ADAMTSL3: variants seen among roughly 807,000 people sequenced by gnomAD.
The protein encoded by ADAMTSL3 is ADAMTS like 3, also known as ADAMTS-like protein 3.
A neutral mutation model predicts 201.7 loss-of-function variants in ADAMTSL3; 128 were observed. That is an observed-to-expected ratio of 0.63 (90% CI 0.55 to 0.73). The LOEUF is 0.73. Ranked by LOEUF, ADAMTSL3 falls within the 30% of genes least tolerant of loss-of-function variation. The pLI is 0.00. For synonymous variants in ADAMTSL3, 738 were observed against 748.4 expected (o/e 0.99, Z 0.23); for missense variants, 1,990 against 2,119.6 (o/e 0.94, Z 1.20).
At chr15:83,836,512 C>T (rs1159617069) in intron 6 of ADAMTSL3, among the ~76,000 whole-genome samples, 7 of 152,174 alleles carry the variant, frequency 4.6e-5, no homozygotes, top group Non-Finnish European at 1.5e-5. Flanking sequence ...AAATAATTGT[C>T]TCAACTTCCT....
chr15:83,867,061 G>T (rs112316122), intron 8 of ADAMTSL3, among the ~76,000 whole-genome samples: 4 of 152,210 alleles, frequency 2.6e-5, no homozygotes, highest in Non-Finnish European at 5.9e-5. Flanking sequence ...TATAGAAGTG[G>T]TTTTATTTTC....
At chr15:83,909,948 C>T (rs2065903113) in intron 15 of ADAMTSL3, among the ~76,000 whole-genome samples, 1 of 152,102 alleles carries the variant, frequency 6.6e-6, no homozygotes, top group African/African-American at 2.4e-5. Context: ...ACCCCTCAAA[C>T]CCCAGTCCCA....
intron 5 of ADAMTSL3, among the ~76,000 whole-genome samples, chr15:83,805,912 A>G (rs1484873485): frequency 6.6e-6 from 1 of 152,184 alleles, no homozygotes; most frequent in Non-Finnish European, 1.5e-5. Context: ...CTGCAGACAC[A>G]TGTAGTCCTT....
chr15:84,020,708 T>C (rs1412757516), intron 25 of ADAMTSL3, among the ~76,000 whole-genome samples: 2 of 152,226 alleles, frequency 1.3e-5, no homozygotes, highest in Non-Finnish European at 2.9e-5. Context: ...CATCATGTCC[T>C]ACCTCATCTT....
intron 7 of ADAMTSL3, among the ~76,000 whole-genome samples, chr15:83,847,018 G>A (rs899088738): frequency 6.6e-6 from 1 of 152,198 alleles, no homozygotes; most frequent in Admixed American, 6.5e-5. Flanking sequence ...TTGAGGTAAA[G>A]GCAGTTTAGG....
intron 2 of ADAMTSL3, among the ~76,000 whole-genome samples, chr15:83,675,539 G>A (rs748051974): frequency 2.0e-5 from 3 of 149,104 alleles, no homozygotes; most frequent in African/African-American, 4.9e-5. Context: ...ATATTTTGTT[G>A]AGAATTTTTG....
intron 16 of ADAMTSL3, among the ~76,000 whole-genome samples, chr15:83,921,735 A>G (rs563223597): frequency 6.6e-6 from 1 of 152,300 alleles, no homozygotes; most frequent in South Asian, 2.1e-4. Flanking sequence ...CCCAGGCTGG[A>G]CTGCACTGGT....
intron 23 of ADAMTSL3, among the ~76,000 whole-genome samples, chr15:83,996,209 T>C (rs1487342446): frequency 6.6e-6 from 1 of 152,182 alleles, no homozygotes; most frequent in Non-Finnish European, 1.5e-5. Context: ...AAAACATCTA[T>C]TGTATAGTGA....
intron 4 of ADAMTSL3, among the ~76,000 whole-genome samples, chr15:83,788,504 A>G (rs2063297721): frequency 6.6e-6 from 1 of 152,206 alleles, no homozygotes; most frequent in South Asian, 2.1e-4. Context: ...ATAGTTATGT[A>G]GAAATGATTT....
In ADAMTSL3 at chr15:83,913,086, C is replaced by T; in HGVS notation, c.1701-6C>T. The T allele has an allele frequency of 6.2e-7, 1 of 1,612,454 alleles. No individual in the cohort carries two copies. Among genetic ancestry groups the T allele is most frequent in the Non-Finnish European group, 8.5e-7 (1 of 1,178,980 alleles). Reference sequence around the variant, plus strand: ...CCTTTTCTGGTGGCTTCCTGGTTTTCCCTAGGTTCATTCCAGAACCCTGGT... The same window carrying T: ...CCTTTTCTGGTGGCTTCCTGGTTTTTCCTAGGTTCATTCCAGAACCCTGGT... On this transcript the variant is annotated splice_region_variant and splice_polypyrimidine_tract_variant and intron_variant, in intron 15 of 29. Transcript: ENST00000286744.
intron 3 of ADAMTSL3, among the ~76,000 whole-genome samples, chr15:83,769,234 A>T (rs1055895891): frequency 1.3e-5 from 2 of 152,208 alleles, no homozygotes; most frequent in Admixed American, 6.5e-5. Context: ...ATTTAAAAAT[A>T]TATATGATGA....
At chr15:83,696,700 G>A (rs1392436313) in intron 2 of ADAMTSL3, among the ~76,000 whole-genome samples, 1 of 151,350 alleles carries the variant, frequency 6.6e-6, no homozygotes. Context: ...CCATCAGCCT[G>A]GATAGGTAGA....
intron 17 of ADAMTSL3, among the ~76,000 whole-genome samples, chr15:83,932,704 T>G (rs1225508582): frequency 6.6e-6 from 1 of 152,218 alleles, no homozygotes; most frequent in African/African-American, 2.4e-5. Flanking sequence ...TAATTCATAC[T>G]GGTCTTGATA....
At chr15:83,727,880 A>G (rs764152405) in intron 3 of ADAMTSL3, among the ~76,000 whole-genome samples, 2 of 152,156 alleles carry the variant, frequency 1.3e-5, no homozygotes, top group African/African-American at 2.4e-5. Flanking sequence ...TATTAGGTTC[A>G]TTTGGTCTAT....
At chr15:83,773,732 G>A (rs1387372124) in intron 4 of ADAMTSL3, 82 bp downstream of exon 4, 1 of 1,484,708 alleles carries the variant, frequency 6.7e-7, no homozygotes, top group African/African-American at 1.4e-5. Flanking sequence ...AACTTTATAT[G>A]GCTTTGGAAT....
intron 4 of ADAMTSL3, among the ~76,000 whole-genome samples, chr15:83,776,700 AG>A (rs2063079895): frequency 6.6e-6 from 1 of 152,112 alleles, no homozygotes; most frequent in African/African-American, 2.4e-5. Context: ...CTGGGCAATA[AG>A]GGCGAAACTC....
chr15:83,983,911 A>G (rs1238806548), intron 21 of ADAMTSL3, among the ~76,000 whole-genome samples: 1 of 152,170 alleles, frequency 6.6e-6, no homozygotes, highest in African/African-American at 2.4e-5. Context: ...TATCACACAA[A>G]TACGTAGCCT....
intron 8 of ADAMTSL3, chr15:83,862,206 T>A (rs1461464346): frequency 6.6e-6 from 1 of 152,182 alleles, no homozygotes; most frequent in East Asian, 1.9e-4. Flanking sequence ...CAGGGTATTA[T>A]CCAGGTGAAC....
At chr15:83,836,535 C>G (rs1029264535) in intron 6 of ADAMTSL3, among the ~76,000 whole-genome samples, 1 of 152,168 alleles carries the variant, frequency 6.6e-6, no homozygotes, top group Non-Finnish European at 1.5e-5. Flanking sequence ...AGTTTCATTT[C>G]TTCTTCAACA....
Sources: gnomAD v4.1 joint callset for allele counts (sites outside exome capture counted in the v4.1 genomes callset) on GRCh38, gnomAD v4.1.1 for gene constraint, MANE v1.5 for transcripts, NCBI Gene and HGNC (gene_info 2026-07-23, HGNC 2026-07-21) for gene names.